Variants in ATP5MJ observed in about 807,000 individuals in gnomAD.
ATP5MJ encodes the protein ATP synthase F(0) complex subunit j, mitochondrial.
A neutral mutation model predicts 8.3 loss-of-function variants in ATP5MJ; 4 were observed. The observed-to-expected ratio is 0.48, with a 90% CI of 0.24 to 1.11. ATP5MJ has a LOEUF of 1.11. ATP5MJ is among the 50% of genes least tolerant of loss of function. ATP5MJ has a pLI of 0.18. For missense variants in ATP5MJ, 66 were observed against 71.8 expected, an observed-to-expected ratio of 0.92 and a Z score of 0.29; for synonymous variants, 23 against 21.3, an observed-to-expected ratio of 1.08 and a Z score of -0.23.
At chr14:103,914,845 A>G (rs1595877486) in intron 2 of ATP5MJ, 4 of 436,836 alleles carry the variant, frequency 9.2e-6, no homozygotes, top group East Asian at 9.2e-5. Context: ...TCCAAAAAAA[A>G]AAAAAAAAAA....
intron 1 of ATP5MJ, among the ~76,000 whole-genome samples, chr14:103,917,386 T>C (rs2087633670): frequency 7.3e-6 from 1 of 137,690 alleles, no homozygotes. Flanking sequence ...AGATGGGCCA[T>C]GTCATTTAAG....
chr14:103,920,479 T>A (rs894473530), intron 1 of ATP5MJ, among the ~76,000 whole-genome samples: 28 of 146,086 alleles, frequency 1.9e-4, no homozygotes, highest in Middle Eastern at 7.0e-3. Flanking sequence ...TTTTTTTTTT[T>A]TTTTTTTTTT....
At chr14:103,920,967 C>A in intron 1 of ATP5MJ, 1 of 1,551,684 alleles carries the variant, frequency 6.4e-7, no homozygotes, top group Non-Finnish European at 8.7e-7. Context: ...AAATGTCTGA[C>A]CCGCGAGTTC....
chr14:103,914,499 G>A, intron 2 of ATP5MJ: 1 of 669,842 alleles, frequency 1.5e-6, no homozygotes. Context: ...TTAAAGTCTT[G>A]TTCAAAGTTC....
At chr14:103,920,969 C>T (rs1207873277) in intron 1 of ATP5MJ, 3 of 1,551,656 alleles carry the variant, frequency 1.9e-6, no homozygotes, top group Non-Finnish European at 2.6e-6. Flanking sequence ...ATGTCTGACC[C>T]GCGAGTTCCA....
rs1182340515 is a variant in ATP5MJ, at chr14:103,913,455, CA to C, written c.148+505del. 2.4e-5 allele frequency: 4 copies of C among 168,516 alleles called. No homozygotes were observed. The East Asian group carries it at 6.6e-4, about 28-fold the overall frequency. The allele number at this position is 168,516 out of a possible 1,614,324, so 10.4% of individuals were successfully genotyped here. ...TGAAACCCTATCTCTACTAAAAATA[CA>C]AAACATTAGCCAGGCGTGGCGGCAG... On this transcript the variant is annotated intron_variant, in intron 3 of 3. Coordinates refer to ENST00000286953, the MANE Select transcript of ATP5MJ (RefSeq NM_004894.3).
chr14:103,920,596 C>T (rs961922938), intron 1 of ATP5MJ, among the ~76,000 whole-genome samples: 11 of 150,874 alleles, frequency 7.3e-5, no homozygotes, highest in Non-Finnish European at 1.5e-4. Context: ...CTCAGCCTCC[C>T]GAGTAGCTGG....
chr14:103,917,568 G>A lies in ATP5MJ; in HGVS notation c.1-2379C>T, dbSNP rs144296552. Among the ~76,000 whole-genome samples, 1,040 of 152,164 alleles carry A rather than the reference G, an allele frequency of 6.8e-3. 10 individuals are homozygous for A. Among genetic ancestry groups the A allele is most frequent in the African/African-American group, 0.024 (979 of 41,520 alleles). On this transcript the variant is annotated intron_variant, in intron 1 of 3. Coordinates refer to ENST00000286953, the MANE Select transcript of ATP5MJ (RefSeq NM_004894.3). ...GATGGGATTCGAGGGCAGCTGGTGG[G>A]GGCTGCAGAGCCCCTTCGATTCCTC...
chr14:103,918,359 G>GTT (rs36094054), intron 1 of ATP5MJ, among the ~76,000 whole-genome samples: 6 of 147,920 alleles, frequency 4.1e-5, no homozygotes, highest in Admixed American at 1.3e-4. Flanking sequence ...TGTTTCAGAG[G>GTT]TTTTTTTTTT....
At chr14:103,920,960 T>C (rs372136292) in intron 1 of ATP5MJ, 1 of 1,551,672 alleles carries the variant, frequency 6.4e-7, no homozygotes. Context: ...AAATGGGAAA[T>C]GTCTGACCCG....
chr14:103,914,648 A>AG, intron 2 of ATP5MJ: 1 of 588,054 alleles, frequency 1.7e-6, no homozygotes, highest in Non-Finnish European at 3.0e-6. Context: ...AAAAAAAAAA[A>AG]GTACAAAAAA....
intron 3 of ATP5MJ, 199 bp from the exon 4 acceptor site, chr14:103,912,893 G>C (rs1343641349): frequency 1.4e-5 from 8 of 586,318 alleles, no homozygotes; most frequent in South Asian, 2.2e-5. Context: ...CAGCAGACAG[G>C]CAGTGGTCAC....
At chr14:103,920,946 C>T (rs768948681) in intron 1 of ATP5MJ, 3 of 1,550,998 alleles carry the variant, frequency 1.9e-6, no homozygotes, top group Non-Finnish European at 2.6e-6. Flanking sequence ...TTACCTGACA[C>T]TGGAAATGGG....
At chr14:103,912,744 G>A (rs764205988) in intron 3 of ATP5MJ, 50 bp from the exon 4 acceptor site, 7 of 1,562,634 alleles carry the variant, frequency 4.5e-6, no homozygotes, top group Admixed American at 1.7e-5. Flanking sequence ...GAAGGAACAA[G>A]TTGGATGTAA....
At chr14:103,919,156 G>A (rs927280971) in intron 1 of ATP5MJ, among the ~76,000 whole-genome samples, 1 of 152,140 alleles carries the variant, frequency 6.6e-6, no homozygotes, top group Non-Finnish European at 1.5e-5. Context: ...GCCAAGGTGG[G>A]CGGATCACTT....
chr14:103,920,921 A>G (rs775931641), intron 1 of ATP5MJ: 17 of 1,538,538 alleles, frequency 1.1e-5, no homozygotes, highest in Non-Finnish European at 1.2e-5. Flanking sequence ...GGCACATTAC[A>G]TTAAGGGCGA....
At chr14:103,915,016 A>G in intron 2 of ATP5MJ, 50 bp downstream of exon 2, 2 of 1,610,734 alleles carry the variant, frequency 1.2e-6, no homozygotes, top group South Asian at 2.2e-5. Flanking sequence ...ATTCTTTTTG[A>G]AAATAATTTT....
At chr14:103,917,079 C>T (rs80350843) in intron 1 of ATP5MJ, among the ~76,000 whole-genome samples, 3,259 of 152,220 alleles carry the variant, frequency 0.021, 54 homozygotes, top group Middle Eastern at 0.041. Context: ...AATAAAGGGT[C>T]AGGATATCTG....
chr14:103,921,443 G>A (rs999181945), intron 1 of ATP5MJ, 27 bp downstream of exon 1: 10 of 224,924 alleles, frequency 4.4e-5, no homozygotes, highest in East Asian at 1.0e-4. Flanking sequence ...CGCACCTCGG[G>A]AGCCAGGTCC....
Sources: allele counts gnomAD v4.1 joint callset (sites outside exome capture counted in the v4.1 genomes callset), GRCh38; gene constraint gnomAD v4.1.1; transcripts MANE v1.5; gene names NCBI Gene and HGNC (gene_info 2026-07-23, HGNC 2026-07-21).